The following RASA3 variants were observed in gnomAD, a reference collection of about 807,000 sequenced individuals.
RASA3 encodes RAS p21 protein activator 3, also known as ras GTPase-activating protein 3.
A neutral mutation model predicts 110.0 loss-of-function variants in RASA3; 73 were observed. The observed-to-expected ratio is 0.66, with a 90% CI of 0.55 to 0.81. RASA3 has a LOEUF of 0.81. Among genes scored for constraint, RASA3 ranks in the 30% least tolerant of loss-of-function variants. RASA3 has a pLI of 0.00. For synonymous variants in RASA3, 500 were observed against 451.4 expected, an observed-to-expected ratio of 1.11 and a Z score of -1.37; for missense variants, 976 against 1,113.2, an observed-to-expected ratio of 0.88 and a Z score of 1.75.
intron 9 of RASA3, 29 bp downstream of exon 9, chr13:114,021,374 CG>C (rs2053923867): frequency 6.3e-7 from 1 of 1,593,448 alleles, no homozygotes; most frequent in South Asian, 1.1e-5. Context: ...CTCAGAGATG[CG>C]GAAGTCTGCA....
intron 21 of RASA3, 40 bp from the exon 22 acceptor site, chr13:113,992,628 A>T (rs1489844746): frequency 7.2e-7 from 1 of 1,398,096 alleles, no homozygotes; most frequent in South Asian, 1.2e-5. Flanking sequence ...AAAAACACTT[A>T]TTTAAACGAT....
intron 4 of RASA3, among the ~76,000 whole-genome samples, chr13:114,038,864 C>T (rs962059508): frequency 1.3e-5 from 2 of 152,222 alleles, no homozygotes; most frequent in Non-Finnish European, 2.9e-5. Flanking sequence ...ACAGAGCCTC[C>T]ATCCGACCCA....
At position 114,017,364 on chromosome 13, in the gene RASA3, G is replaced by A. The variant is rs750130665; in HGVS notation, c.1092-13C>T. On this transcript the variant is annotated splice_polypyrimidine_tract_variant and intron_variant, in intron 11 of 23. Coordinates refer to ENST00000334062, the MANE Select transcript of RASA3 (RefSeq NM_007368.4). ...GGTGTTGGGGTCCCTGGGAAATGGCGATGGGGACAGCGTTTGTCTCCTGGG... is the reference window on the plus strand; with the variant it reads ...GGTGTTGGGGTCCCTGGGAAATGGCAATGGGGACAGCGTTTGTCTCCTGGG... 28 of 1,602,906 alleles carry A rather than the reference G, an allele frequency of 1.7e-5. No individual in the cohort carries two copies. The highest frequency in any genetic ancestry group is 1.6e-4 in the Middle Eastern group (1 of 6,068).
chr13:114,117,219 T>A (rs572182938), intron 1 of RASA3, among the ~76,000 whole-genome samples: 1 of 87,684 alleles, frequency 1.1e-5, no homozygotes, highest in East Asian at 3.3e-4. Flanking sequence ...GGTGCACGTG[T>A]GTGAGGGGTG....
chr13:114,076,953 C>T (rs1014350852), intron 1 of RASA3, among the ~76,000 whole-genome samples: 1 of 152,014 alleles, frequency 6.6e-6, no homozygotes, highest in Admixed American at 6.5e-5. Flanking sequence ...TTGTTTTTGT[C>T]TTTGGGAGTT....
chr13:114,080,122 G>A (rs2079759184), intron 1 of RASA3, among the ~76,000 whole-genome samples: 1 of 152,208 alleles, frequency 6.6e-6, no homozygotes, highest in Non-Finnish European at 1.5e-5. Flanking sequence ...GCTCAGGAGG[G>A]GCAGAGGCCG....
In RASA3 at chr13:114,078,120, G is replaced by C. The variant is rs574903605; in HGVS notation, c.56-4283C>G. The C allele has an allele frequency of 8.5e-6, 5 of 587,134 alleles. No homozygotes were observed. The African/African-American group carries it at 1.0e-4, about 12-fold the overall frequency. 36.4% of individuals were successfully genotyped at this position (587,134 alleles called of 1,614,324 possible). A position where few individuals can be genotyped will look rare whatever the true frequency, so the allele number is the denominator to read the frequency against. The stretch of plus-strand genomic sequence containing the variant: ...AGGAGGGCTGGGGCTGCTGCAGCAC[G>C]GCCTGGCCACGTCGCCCCGGGGCCT... On this transcript the variant is annotated intron_variant, in intron 1 of 23. Transcript: ENST00000334062.
chr13:114,059,367 GT>G (rs1566538146), intron 2 of RASA3, among the ~76,000 whole-genome samples: 3 of 152,244 alleles, frequency 2.0e-5, no homozygotes, highest in Admixed American at 6.5e-5. Context: ...TATATGGCAC[GT>G]CTAAATGTAA....
intron 2 of RASA3, among the ~76,000 whole-genome samples, chr13:114,066,759 C>T (rs537506014): frequency 2.6e-5 from 4 of 152,368 alleles, no homozygotes; most frequent in African/African-American, 9.6e-5. Context: ...CACACACATG[C>T]AGGTGGAGAT....
chr13:113,979,475 T>G, intron 23 of RASA3, 53 bp from the exon 24 acceptor site: 1 of 1,425,944 alleles, frequency 7.0e-7, no homozygotes, highest in Non-Finnish European at 9.9e-7. Flanking sequence ...TGCCTGGTGC[T>G]CACCCGTGGC....
At chr13:114,124,714 G>A (rs1692980115) in intron 1 of RASA3, among the ~76,000 whole-genome samples, 1 of 152,232 alleles carries the variant, frequency 6.6e-6, no homozygotes. Context: ...GCCCGCTGCG[G>A]CCTGACGGAG....
chr13:114,054,246 A>C (rs959833566), intron 2 of RASA3, among the ~76,000 whole-genome samples: 1 of 152,278 alleles, frequency 6.6e-6, no homozygotes, highest in Non-Finnish European at 1.5e-5. Context: ...CTTATGACTC[A>C]ATAAATGATG....
At chr13:114,010,803 A>T (rs1373718082) in intron 16 of RASA3, among the ~76,000 whole-genome samples, 183 of 38,348 alleles carry the variant, frequency 4.8e-3, no homozygotes, top group Middle Eastern at 0.02. Context: ...GGGGGCCGCG[A>T]GGGGAGTAGG....
At chr13:114,060,945 G>A (rs1352137524) in intron 2 of RASA3, among the ~76,000 whole-genome samples, 3 of 150,696 alleles carry the variant, frequency 2.0e-5, no homozygotes, top group South Asian at 2.1e-4. Flanking sequence ...GCCGGCAGAC[G>A]GAGCCCCCCA....
intron 1 of RASA3, among the ~76,000 whole-genome samples, chr13:114,075,373 TAA>T (rs914314171): frequency 3.3e-5 from 5 of 152,238 alleles, no homozygotes; most frequent in African/African-American, 1.2e-4. Flanking sequence ...TGAAGCTTTT[TAA>T]AGACTTTTCA....
intron 19 of RASA3, among the ~76,000 whole-genome samples, chr13:113,999,910 C>CT (rs2053349370): frequency 4.6e-5 from 1 of 21,936 alleles, no homozygotes; most frequent in Non-Finnish European, 7.6e-5. Context: ...GGGGTCTCTA[C>CT]CGGGGGGGGT....
chr13:114,015,868 T>C (rs2053778881), intron 13 of RASA3, among the ~76,000 whole-genome samples: 1 of 151,886 alleles, frequency 6.6e-6, no homozygotes, highest in East Asian at 1.9e-4. Flanking sequence ...GTCAGGATTG[T>C]CCAGGGGAGG....
At chr13:114,043,025 C>G (rs1244902057) in intron 3 of RASA3, among the ~76,000 whole-genome samples, 1 of 152,240 alleles carries the variant, frequency 6.6e-6, no homozygotes, top group Non-Finnish European at 1.5e-5. Context: ...AGGAGCTCCT[C>G]TGCCTCGCGG....
At position 114,021,419 on chromosome 13, in the gene RASA3, C is replaced by T; in HGVS notation, c.770G>A (p.Ser257Asn). 4 of 1,614,002 alleles carry T rather than the reference C, an allele frequency of 2.5e-6. No individual in the cohort carries two copies. The highest frequency in any genetic ancestry group is 2.2e-5 in the South Asian group (2 of 91,092). Residue 257 changes from serine to asparagine, a missense_variant, in exon 9 of 24, where the codon AGC (serine) becomes AAC (asparagine). Coordinates refer to ENST00000334062, the MANE Select transcript of RASA3 (RefSeq NM_007368.4). ...ATCATCTTACCACGCCTCGTAGGAG[C>T]TGGACTGCCGCAGGACTTTCAACGG... Reference protein sequence around the residue: ...RIPLKVLRQSSSYEAWYFLQP... With the variant: ...RIPLKVLRQSNSYEAWYFLQP...
Sources: gnomAD v4.1 joint callset for allele counts (sites outside exome capture counted in the v4.1 genomes callset) on GRCh38, gnomAD v4.1.1 for gene constraint, MANE v1.5 for transcripts, NCBI Gene and HGNC (gene_info 2026-07-23, HGNC 2026-07-21) for gene names.